The following NIBAN1 variants were observed in gnomAD, a reference collection of about 807,000 sequenced individuals.
NIBAN1 encodes niban apoptosis regulator 1.
Under a neutral mutation model 75.1 loss-of-function variants are expected in NIBAN1, and 81 were observed. That is an observed-to-expected ratio of 1.08 (90% CI 0.90 to 1.30). NIBAN1 has a LOEUF of 1.30. Ranked by LOEUF, NIBAN1 falls within the 50% of genes most tolerant of loss-of-function variation. The pLI, the probability that NIBAN1 is intolerant of heterozygous loss-of-function variation, is 0.00. For synonymous variants in NIBAN1, 436 were observed against 424.8 expected (o/e 1.03, Z -0.32); for missense variants, 1,133 against 1,128.1 (o/e 1.00, Z -0.06).
intron 1 of NIBAN1, among the ~76,000 whole-genome samples, chr1:184,928,683 T>A (rs1400939674): frequency 6.6e-6 from 1 of 152,172 alleles, no homozygotes; most frequent in East Asian, 1.9e-4. Context: ...CTCTGTGCCA[T>A]GCGACCACTG....
At chr1:184,882,246 C>A (rs1656396719) in intron 5 of NIBAN1, among the ~76,000 whole-genome samples, 1 of 152,142 alleles carries the variant, frequency 6.6e-6, no homozygotes, top group Non-Finnish European at 1.5e-5. Flanking sequence ...GGTTAAGTGG[C>A]AGCTTGTGAA....
Position 184,894,123 on chromosome 1 carries a change from G to T in NIBAN1, c.270C>A (p.Tyr90Ter). The T allele has an allele frequency of 6.2e-7, 1 of 1,612,284 alleles. No individual in the cohort carries two copies. The highest frequency in any genetic ancestry group is 2.2e-5 in the East Asian group (1 of 44,786). Residue 90 changes from tyrosine to a stop codon, truncating the protein, a stop_gained, in exon 3 of 14, where the codon TAC becomes TAA. Coordinates refer to ENST00000367511, the MANE Select transcript of NIBAN1 (RefSeq NM_052966.4). LOFTEE classifies it high-confidence loss of function. ...CAGCATAATCATTTTTAACTACAACGTATCTCTCCTTCCACTTCTTTATGT... is the reference window on the plus strand; with the variant it reads ...CAGCATAATCATTTTTAACTACAACTTATCTCTCCTTCCACTTCTTTATGT... ...SEDIKKWKER[Y>*]VVVKNDYAVE...
At chr1:184,801,440 C>G (rs145253653) in intron 12 of NIBAN1, among the ~76,000 whole-genome samples, 1 of 152,322 alleles carries the variant, frequency 6.6e-6, no homozygotes, top group Non-Finnish European at 1.5e-5. Flanking sequence ...AGCCATATCA[C>G]TGCTCTGTGC....
At chr1:184,922,295 G>C (rs972949690) in intron 1 of NIBAN1, among the ~76,000 whole-genome samples, 1 of 151,704 alleles carries the variant, frequency 6.6e-6, no homozygotes, top group African/African-American at 2.4e-5. Context: ...ATAAATTATT[G>C]TTGACTGTAG....
At chr1:184,871,417 G>T (rs558668707) in intron 5 of NIBAN1, among the ~76,000 whole-genome samples, 8 of 150,844 alleles carry the variant, frequency 5.3e-5, no homozygotes, top group Non-Finnish European at 1.2e-4. Context: ...AAAATGTCAT[G>T]GGAGGATGAA....
intron 10 of NIBAN1, among the ~76,000 whole-genome samples, chr1:184,807,022 G>A (rs1383096699): frequency 1.3e-5 from 2 of 151,966 alleles, no homozygotes; most frequent in Admixed American, 6.6e-5. Context: ...CACCCGCCTC[G>A]GTCTCCCAAA....
At chr1:184,801,942 G>A (rs1050817567) in intron 12 of NIBAN1, among the ~76,000 whole-genome samples, 1 of 152,148 alleles carries the variant, frequency 6.6e-6, no homozygotes. Context: ...ACTTCCCTGG[G>A]CCAATTAATT....
intron 5 of NIBAN1, among the ~76,000 whole-genome samples, chr1:184,856,452 A>G (rs1292258117): frequency 1.3e-5 from 2 of 152,182 alleles, no homozygotes; most frequent in Non-Finnish European, 2.9e-5. Flanking sequence ...AAACTTTGAA[A>G]ATTTGACCAT....
At chr1:184,824,255 T>C (rs1306665268) in intron 6 of NIBAN1, among the ~76,000 whole-genome samples, 3 of 152,044 alleles carry the variant, frequency 2.0e-5, no homozygotes, top group Admixed American at 1.3e-4. Flanking sequence ...TGTCATCCTC[T>C]TTAATGTTTA....
At chr1:184,840,302 T>C (rs985685789) in intron 5 of NIBAN1, among the ~76,000 whole-genome samples, 1 of 152,158 alleles carries the variant, frequency 6.6e-6, no homozygotes, top group Admixed American at 6.5e-5. Flanking sequence ...TACCAAAATA[T>C]TAATCTACTG....
chr1:184,840,424 T>C (rs1045352617), intron 5 of NIBAN1, among the ~76,000 whole-genome samples: 1 of 152,144 alleles, frequency 6.6e-6, no homozygotes, highest in African/African-American at 2.4e-5. Flanking sequence ...TGAGTTACAG[T>C]GGTGTTGGTC....
chr1:184,861,000 T>C (rs1422893249), intron 5 of NIBAN1, among the ~76,000 whole-genome samples: 2 of 152,214 alleles, frequency 1.3e-5, no homozygotes, highest in Non-Finnish European at 2.9e-5. Context: ...AAATGAAATA[T>C]TGTAGCTCTT....
intron 1 of NIBAN1, among the ~76,000 whole-genome samples, chr1:184,954,575 G>A (rs950731673): frequency 6.6e-6 from 1 of 152,152 alleles, no homozygotes; most frequent in African/African-American, 2.4e-5. Context: ...AGTTCTTCAG[G>A]GGCAGGGCAA....
chr1:184,796,271 G>GCATT (rs879728243), intron 13 of NIBAN1, among the ~76,000 whole-genome samples, 174 bp from the exon 14 acceptor site: 15 of 152,188 alleles, frequency 9.9e-5, no homozygotes, highest in Non-Finnish European at 1.8e-4. Context: ...AGCCTCTGTA[G>GCATT]CATTCATTCA....
intron 3 of NIBAN1, 123 bp from the exon 4 acceptor site, chr1:184,890,345 T>C (rs1656635521): frequency 1.4e-6 from 1 of 691,800 alleles, no homozygotes. Context: ...TACTATGTTA[T>C]TGAGTTATAG....
At chr1:184,813,307 G>C (rs941179458) in intron 9 of NIBAN1, among the ~76,000 whole-genome samples, 16 of 152,078 alleles carry the variant, frequency 1.1e-4, no homozygotes, top group Non-Finnish European at 8.8e-5. Flanking sequence ...TATTTTGAAA[G>C]CAAAATAAAA....
At chr1:184,965,683 A>G (rs1658765223) in intron 1 of NIBAN1, among the ~76,000 whole-genome samples, 1 of 152,226 alleles carries the variant, frequency 6.6e-6, no homozygotes, top group African/African-American at 2.4e-5. Flanking sequence ...GATCAGGAAA[A>G]ATAACTAATG....
At chr1:184,817,600 G>A (rs1393858601) in intron 9 of NIBAN1, among the ~76,000 whole-genome samples, 1 of 152,168 alleles carries the variant, frequency 6.6e-6, no homozygotes, top group African/African-American at 2.4e-5. Context: ...CTGTGGTTTT[G>A]ATTTGCATTT....
At chr1:184,893,623 C>G (rs552119704) in intron 3 of NIBAN1, among the ~76,000 whole-genome samples, 1 of 152,298 alleles carries the variant, frequency 6.6e-6, no homozygotes, top group Non-Finnish European at 1.5e-5. Flanking sequence ...GAAATAACTC[C>G]TGAGCCACCT....
Sources: allele counts gnomAD v4.1 joint callset (sites outside exome capture counted in the v4.1 genomes callset), GRCh38; gene constraint gnomAD v4.1.1; transcripts MANE v1.5; gene names NCBI Gene and HGNC (gene_info 2026-07-23, HGNC 2026-07-21).